PTCHD4: variants seen among roughly 807,000 people sequenced by gnomAD.
PTCHD4 encodes the protein patched domain-containing protein 4.
Under a neutral mutation model 58.1 loss-of-function variants are expected in PTCHD4, and 33 were observed. The observed-to-expected ratio is 0.57, with a 90% CI of 0.43 to 0.76. The LOEUF (loss-of-function observed/expected upper bound fraction) is 0.76, where lower values mean the gene tolerates loss of function less well. Ranked by LOEUF, PTCHD4 falls within the 30% of genes least tolerant of loss-of-function variation. PTCHD4 has a pLI of 0.00. For missense variants in PTCHD4, 1,058 were observed against 1,027.1 expected (o/e 1.03, Z -0.41); for synonymous variants, 478 against 409.6 (o/e 1.17, Z -2.02).
intron 4 of PTCHD4, among the ~76,000 whole-genome samples, chr6:47,887,654 AC>A (rs1335353437): frequency 1.3e-5 from 2 of 152,224 alleles, no homozygotes; most frequent in Non-Finnish European, 2.9e-5. Context: ...CAGGGTAGAA[AC>A]AGGTTCATAA....
intron 1 of PTCHD4, among the ~76,000 whole-genome samples, chr6:48,081,884 A>G (rs572625440): frequency 6.6e-6 from 1 of 152,322 alleles, no homozygotes; most frequent in South Asian, 2.1e-4. Flanking sequence ...TTACTAAAGA[A>G]AACTGTGGCA....
intron 4 of PTCHD4, among the ~76,000 whole-genome samples, chr6:47,909,048 T>C (rs1166544399): frequency 6.6e-6 from 1 of 152,158 alleles, no homozygotes; most frequent in Non-Finnish European, 1.5e-5. Flanking sequence ...CAATAATATA[T>C]ATTTACTAAA....
intron 3 of PTCHD4, among the ~76,000 whole-genome samples, chr6:48,044,121 C>T (rs1763948682): frequency 1.3e-5 from 2 of 151,644 alleles, no homozygotes; most frequent in Admixed American, 1.3e-4. Context: ...TGTGTATTTT[C>T]ATTAATATTT....
At chr6:47,971,178 G>C (rs1401349389) in intron 4 of PTCHD4, among the ~76,000 whole-genome samples, 1 of 152,064 alleles carries the variant, frequency 6.6e-6, no homozygotes, top group Non-Finnish European at 1.5e-5. Flanking sequence ...AGAAAAGCAT[G>C]ACATTGAAAA....
chr6:48,084,987 C>T (rs145682664), intron 1 of PTCHD4, among the ~76,000 whole-genome samples: 2,705 of 151,672 alleles, frequency 0.018, 260 homozygotes, highest in Admixed American at 0.15. Context: ...CAGGCTATCC[C>T]CCTGCCTCGG....
chr6:47,961,476 T>C (rs1016254240), intron 4 of PTCHD4, among the ~76,000 whole-genome samples: 2 of 151,902 alleles, frequency 1.3e-5, no homozygotes, highest in African/African-American at 4.8e-5. Context: ...TATTTTTTAG[T>C]AGAGACAGAG....
At chr6:47,977,747 G>T (rs1410743310) in intron 4 of PTCHD4, among the ~76,000 whole-genome samples, 1 of 152,090 alleles carries the variant, frequency 6.6e-6, no homozygotes, top group African/African-American at 2.4e-5. Flanking sequence ...GACAATAAAA[G>T]AATGACATTT....
intron 4 of PTCHD4, among the ~76,000 whole-genome samples, chr6:47,892,856 A>AT (rs1437821741): frequency 6.6e-6 from 1 of 152,124 alleles, no homozygotes; most frequent in Non-Finnish European, 1.5e-5. Flanking sequence ...CCACAGCTGG[A>AT]TTTTTTTCTG....
Position 47,988,815 on chromosome 6 carries a change from T to A in PTCHD4, c.898+19819A>T, listed in dbSNP as rs372756842. Among the ~76,000 whole-genome samples the A allele has an allele frequency of 1.1e-3, 173 of 152,324 alleles. 1 individual carries two copies. In the South Asian group the frequency reaches 0.034, roughly 30 times the overall value. On this transcript the variant is annotated intron_variant, in intron 4 of 4. Transcript: ENST00000339488. ...TTTCCCAGTCTCAGTTATGTCTTTA[T>A]CAGCAGTGTGAAAATGGACTAATTC...
At chr6:48,107,715 A>AAT (rs1765764093) in intron 1 of PTCHD4, among the ~76,000 whole-genome samples, 1 of 152,230 alleles carries the variant, frequency 6.6e-6, no homozygotes, top group Non-Finnish European at 1.5e-5. Flanking sequence ...ACAAAGGGCT[A>AAT]ATATCCAGAA....
chr6:48,063,343 T>A (rs1013284242), intron 3 of PTCHD4, among the ~76,000 whole-genome samples: 1 of 152,218 alleles, frequency 6.6e-6, no homozygotes, highest in Admixed American at 6.5e-5. Flanking sequence ...TATGAGCCAG[T>A]CACTCTGAGC....
chr6:47,972,424 A>G (rs1038814088), intron 4 of PTCHD4, among the ~76,000 whole-genome samples: 13 of 152,276 alleles, frequency 8.5e-5, no homozygotes, highest in African/African-American at 2.9e-4. Flanking sequence ...TATGATAGGG[A>G]AGAAATAGGG....
chr6:47,910,427 C>G (rs1368119923), intron 4 of PTCHD4, among the ~76,000 whole-genome samples: 1 of 152,082 alleles, frequency 6.6e-6, no homozygotes, highest in Non-Finnish European at 1.5e-5. Flanking sequence ...AAAATTAGAG[C>G]CTTATTTCTC....
At chr6:48,031,405 G>A (rs1423689541) in intron 3 of PTCHD4, among the ~76,000 whole-genome samples, 1 of 151,988 alleles carries the variant, frequency 6.6e-6, no homozygotes, top group African/African-American at 2.4e-5. Flanking sequence ...TCTCTCCCCT[G>A]CTGCAAGACC....
chr6:48,086,121 C>T (rs1274611437), intron 1 of PTCHD4, among the ~76,000 whole-genome samples: 3 of 152,036 alleles, frequency 2.0e-5, no homozygotes, highest in South Asian at 2.1e-4. Context: ...AAGAGCAGTG[C>T]AAAGCAATAA....
At chr6:48,053,292 T>C (rs1764297661) in intron 3 of PTCHD4, among the ~76,000 whole-genome samples, 2 of 152,172 alleles carry the variant, frequency 1.3e-5, no homozygotes, top group African/African-American at 4.8e-5. Flanking sequence ...GCTTTTAATA[T>C]TCAAAACGTG....
intron 3 of PTCHD4, among the ~76,000 whole-genome samples, chr6:48,022,929 A>G (rs546535698): frequency 3.3e-5 from 5 of 152,254 alleles, no homozygotes; most frequent in African/African-American, 1.2e-4. Flanking sequence ...AAAAAAAAGC[A>G]TTGCCTTTCT....
At chr6:47,897,760 A>G (rs1317821204) in intron 4 of PTCHD4, among the ~76,000 whole-genome samples, 1 of 152,124 alleles carries the variant, frequency 6.6e-6, no homozygotes, top group African/African-American at 2.4e-5. Flanking sequence ...CTCTACTACA[A>G]AAAGCCTAGC....
intron 4 of PTCHD4, among the ~76,000 whole-genome samples, chr6:47,942,688 A>G (rs763640821): frequency 6.6e-6 from 1 of 152,256 alleles, no homozygotes; most frequent in Non-Finnish European, 1.5e-5. Context: ...ATACTGTAGC[A>G]ACCTCATGTT....
Sources: allele counts gnomAD v4.1 joint callset (sites outside exome capture counted in the v4.1 genomes callset), GRCh38; gene constraint gnomAD v4.1.1; transcripts MANE v1.5; gene names NCBI Gene and HGNC (gene_info 2026-07-23, HGNC 2026-07-21).